The following SLC4A8 variants were observed in gnomAD, a reference collection of about 807,000 sequenced individuals.
SLC4A8 encodes the protein electroneutral sodium bicarbonate exchanger 1.
A neutral mutation model predicts 125.0 loss-of-function variants in SLC4A8; 40 were observed. That is an observed-to-expected ratio of 0.32 (90% CI 0.25 to 0.42). The LOEUF is 0.42. SLC4A8 is among the 10% of genes least tolerant of loss of function. The pLI, the probability that SLC4A8 is intolerant of heterozygous loss-of-function variation, is 1.00. For missense variants in SLC4A8, 863 were observed against 1,355.1 expected (o/e 0.64, Z 5.70); for synonymous variants, 456 against 476.0 (o/e 0.96, Z 0.55).
At chr12:51,455,303 G>A (rs1294164102) in intron 5 of SLC4A8, among the ~76,000 whole-genome samples, 1 of 151,798 alleles carries the variant, frequency 6.6e-6, no homozygotes, top group Non-Finnish European at 1.5e-5. Flanking sequence ...GAAAGAAACG[G>A]TTCCTACCTT....
chr12:51,420,989 G>A (rs1948777355), upstream of SLC4A8, among the ~76,000 whole-genome samples: 1 of 152,116 alleles, frequency 6.6e-6, no homozygotes, highest in African/African-American at 2.4e-5. Flanking sequence ...TATCCATGTA[G>A]CATGCCTCTC....
At position 51,431,885 on chromosome 12, in the gene SLC4A8, C is replaced by T. The variant is rs547172930; in HGVS notation, c.48+6850C>T. On this transcript the variant is annotated intron_variant, in intron 1 of 24. Transcript: ENST00000453097. Reference sequence around the variant, plus strand: ...AGCTATTCTTACTGTGGGCATTAATCCATGATTAGTCCATCTGACTAAATG... The same window carrying T: ...AGCTATTCTTACTGTGGGCATTAATTCATGATTAGTCCATCTGACTAAATG... 3.9e-5 allele frequency among the ~76,000 whole-genome samples: 6 copies of T among 152,216 alleles called. No individual in the cohort carries two copies. The South Asian group carries it at 1.0e-3, about 26-fold the overall frequency.
chr12:51,427,696 T>C (rs1402895495), intron 1 of SLC4A8, among the ~76,000 whole-genome samples: 1 of 152,198 alleles, frequency 6.6e-6, no homozygotes, highest in Non-Finnish European at 1.5e-5. Flanking sequence ...CCTTGTAAAG[T>C]GAGCAGATTG....
chr12:51,405,092 G>C (rs1447613906), intron 1 of SLC4A8, among the ~76,000 whole-genome samples: 3 of 152,200 alleles, frequency 2.0e-5, no homozygotes, highest in Non-Finnish European at 4.4e-5. Flanking sequence ...GACTCTCCAG[G>C]GAGCAGAGAA....
At chr12:51,432,410 CAAAAA>C (rs33965654) in intron 1 of SLC4A8, among the ~76,000 whole-genome samples, 4 of 92,036 alleles carry the variant, frequency 4.3e-5, no homozygotes, top group Non-Finnish European at 8.0e-5. Flanking sequence ...GACTCCGCCT[CAAAAA>C]AAAAAAAAAA....
chr12:51,507,498 A>G lies in SLC4A8; in HGVS notation c.*60A>G. 7.9e-7 allele frequency: 1 copy of G among 1,264,782 alleles called. No individual in the cohort carries two copies. Among genetic ancestry groups the G allele is most frequent in the South Asian group, 2.6e-5 (1 of 38,046 alleles). 78.3% of individuals were successfully genotyped at this position (1,264,782 alleles called of 1,614,324 possible). On this transcript the variant is annotated 3_prime_UTR_variant, in exon 25 of 25. Coordinates refer to ENST00000453097, the MANE Select transcript of SLC4A8 (RefSeq NM_001039960.3). ...GGTGCCTCAGGGAAGTTCTGGTTAC[A>G]GAGAAAATGGCGAGTCTCTCAGAGA... is the stretch of plus-strand genomic sequence containing the variant.
chr12:51,471,534 T>A lies in SLC4A8; in HGVS notation c.1904+2T>A. ...GCTGGACCACCTTAGCCTCTATTAG[T>A]AAGTGTGCTTTCTGCTTATTTTTAA... is the stretch of plus-strand genomic sequence containing the variant. On this transcript the variant is annotated splice_donor_variant, in intron 14 of 24. Coordinates refer to ENST00000453097, the MANE Select transcript of SLC4A8 (RefSeq NM_001039960.3). LOFTEE classifies it high-confidence loss of function. 6.2e-7 allele frequency: 1 copy of A among 1,611,930 alleles called. No individual in the cohort carries two copies. The highest frequency in any genetic ancestry group is 8.5e-7 in the Non-Finnish European group (1 of 1,178,728).
At chr12:51,445,672 G>A (rs185255716) in intron 2 of SLC4A8, among the ~76,000 whole-genome samples, 1 of 151,916 alleles carries the variant, frequency 6.6e-6, no homozygotes, top group Admixed American at 6.6e-5. Flanking sequence ...CCCCTTCTTG[G>A]AATACTCTTC....
chr12:51,507,043 T>G (rs1382777253), intron 24 of SLC4A8, among the ~76,000 whole-genome samples: 1 of 152,112 alleles, frequency 6.6e-6, no homozygotes, highest in Non-Finnish European at 1.5e-5. Context: ...GTTTCTGGTG[T>G]TCAGTTTACT....
At chr12:51,409,242 T>C (rs1033509788) in intron 1 of SLC4A8, among the ~76,000 whole-genome samples, 1 of 152,224 alleles carries the variant, frequency 6.6e-6, no homozygotes, top group African/African-American at 2.4e-5. Flanking sequence ...TTATTCAATC[T>C]ATTCAAGAGT....
intron 6 of SLC4A8, 134 bp from the exon 7 acceptor site, chr12:51,458,425 G>T: frequency 1.5e-6 from 1 of 648,786 alleles, no homozygotes. Flanking sequence ...TGTGGGTCTT[G>T]ACTTCGTAGT....
chr12:51,499,415 C>T (rs1182236716), intron 22 of SLC4A8, among the ~76,000 whole-genome samples: 4 of 151,830 alleles, frequency 2.6e-5, no homozygotes, highest in African/African-American at 9.7e-5. Flanking sequence ...CTATGTCTCT[C>T]TAGTTGGTAA....
chr12:51,489,665 C>G (rs1951256966), intron 18 of SLC4A8, 35 bp from the exon 19 acceptor site: 1 of 1,612,570 alleles, frequency 6.2e-7, no homozygotes, highest in Non-Finnish European at 8.5e-7. Context: ...TACAGCTAGC[C>G]TACTGATGGT....
At chr12:51,400,811 CATATATGTTTATATACGTATATAAACAT>C (rs1948375224) in intron 1 of SLC4A8, among the ~76,000 whole-genome samples, 13 of 88,244 alleles carry the variant, frequency 1.5e-4, no homozygotes, top group African/African-American at 6.5e-4. Context: ...CATATATAAA[CATATATGTTTATATACGTATATAAACAT>C]ATATGTTTAT....
chr12:51,424,628 A>C (rs1948895490), upstream of SLC4A8: 1 of 272,076 alleles, frequency 3.7e-6, no homozygotes, highest in Non-Finnish European at 6.9e-6. Flanking sequence ...ATTTTCTAGC[A>C]AGCAGTTGGA....
At chr12:51,469,073 C>T (rs1950613397) in intron 11 of SLC4A8, 1 of 153,112 alleles carries the variant, frequency 6.5e-6, no homozygotes, top group Non-Finnish European at 1.5e-5. Flanking sequence ...CTGTTCATGT[C>T]TTGCTCATTG....
chr12:51,397,910 G>A (rs745582551), intron 1 of SLC4A8, among the ~76,000 whole-genome samples: 1 of 151,922 alleles, frequency 6.6e-6, no homozygotes, highest in African/African-American at 2.4e-5. Flanking sequence ...TCTATAAAAA[G>A]TACAAAAATT....
At chr12:51,482,141 T>C (rs1441754807) in intron 16 of SLC4A8, among the ~76,000 whole-genome samples, 1 of 152,130 alleles carries the variant, frequency 6.6e-6, no homozygotes, top group Non-Finnish European at 1.5e-5. Flanking sequence ...CACTTGAAAT[T>C]TGGCTTGCCA....
At chr12:51,464,579 C>T (rs1381749149) in intron 11 of SLC4A8, among the ~76,000 whole-genome samples, 1 of 152,110 alleles carries the variant, frequency 6.6e-6, no homozygotes, top group Non-Finnish European at 1.5e-5. Context: ...AGGGGTGTCC[C>T]CAGAGAAGGT....
Sources: allele counts gnomAD v4.1 joint callset (sites outside exome capture counted in the v4.1 genomes callset), GRCh38; gene constraint gnomAD v4.1.1; transcripts MANE v1.5; gene names NCBI Gene and HGNC (gene_info 2026-07-23, HGNC 2026-07-21).